Variants in TSHZ3 observed in about 807,000 individuals in gnomAD.
TSHZ3 encodes teashirt zinc finger homeobox 3.
A neutral mutation model predicts 64.5 loss-of-function variants in TSHZ3; 10 were observed. The ratio of observed to expected loss-of-function variants is 0.16; its 90% CI spans 0.10 to 0.26. TSHZ3 has a LOEUF of 0.26. Ranked by LOEUF, TSHZ3 falls within the 10% of genes least tolerant of loss-of-function variation. The pLI is 1.00. For synonymous variants in TSHZ3, 608 were observed against 593.1 expected (o/e 1.03, Z -0.36); for missense variants, 1,242 against 1,421.7 (o/e 0.87, Z 2.03).
intron 1 of TSHZ3, among the ~76,000 whole-genome samples, chr19:31,249,554 T>C (rs971647560): frequency 4.6e-5 from 7 of 152,174 alleles, no homozygotes; most frequent in African/African-American, 1.7e-4. Flanking sequence ...AAGCTTAATA[T>C]ATAAAAAATA....
At chr19:31,256,945 G>A (rs925437349) in intron 1 of TSHZ3, among the ~76,000 whole-genome samples, 1 of 152,188 alleles carries the variant, frequency 6.6e-6, no homozygotes, top group African/African-American at 2.4e-5. Context: ...GCCATGGTGG[G>A]TGTGCAGGAG....
chr19:31,265,273 T>C (rs1420582255), intron 1 of TSHZ3, among the ~76,000 whole-genome samples: 1 of 151,442 alleles, frequency 6.6e-6, no homozygotes, highest in African/African-American at 2.4e-5. Context: ...GGTCCATGCC[T>C]GTAATCCCAG....
rs1008071446 is a variant in TSHZ3, at chr19:31,277,136, G to A, written c.2657C>T (p.Thr886Met). Residue 886 changes from threonine (T) to methionine (M), a missense_variant, in exon 2 of 2, where the codon ACG (threonine) becomes ATG (methionine). This residue lies in a region of TSHZ3 where 550 missense variants were observed against 545.1 expected (regional missense o/e 1.01). Coordinates refer to ENST00000240587, the MANE Select transcript of TSHZ3 (RefSeq NM_020856.4). This position sits in a 1 kb window ranked among gnomAD's most constrained non-coding sequence, Gnocchi z 4.5. ...GCGGCCCTTCCTCTTCTGGGCGGGC[G>A]TCGACTCCTCAGCCTCCTCCAGAGT... ...GATLEEAEES[T>M]PAQKRKGRQS... 7.5e-6 allele frequency: 12 copies of A among 1,608,046 alleles called. No individual in the cohort carries two copies. In the East Asian group the frequency reaches 1.3e-4, roughly 18 times the overall value.
chr19:31,209,417 C>T (rs144067157), intron 4 of TSHZ3, among the ~76,000 whole-genome samples: 1 of 152,126 alleles, frequency 6.6e-6, no homozygotes, highest in Non-Finnish European at 1.5e-5. Flanking sequence ...GGATTCAGAT[C>T]ATCTGGGTTT....
At chr19:31,329,829 C>T (rs906327797) in intron 1 of TSHZ3, among the ~76,000 whole-genome samples, 7 of 152,216 alleles carry the variant, frequency 4.6e-5, no homozygotes, top group South Asian at 4.1e-4. Flanking sequence ...ATTACAAGGC[C>T]GCATAATTCT....
At chr19:31,250,924 T>C (rs1975831617) in intron 1 of TSHZ3, among the ~76,000 whole-genome samples, 1 of 152,030 alleles carries the variant, frequency 6.6e-6, no homozygotes, top group Admixed American at 6.5e-5. Flanking sequence ...ACCACCTAGA[T>C]GTACCTGTGG....
At chr19:31,324,114 T>C (rs1916863547) in intron 1 of TSHZ3, among the ~76,000 whole-genome samples, 1 of 152,138 alleles carries the variant, frequency 6.6e-6, no homozygotes. Flanking sequence ...AGCCAAGCCC[T>C]CAAGGCTGTG....
At chr19:31,213,485 T>G (rs929673122) in intron 4 of TSHZ3, among the ~76,000 whole-genome samples, 2 of 147,902 alleles carry the variant, frequency 1.4e-5, no homozygotes, top group African/African-American at 5.0e-5. Flanking sequence ...ACTATAATGG[T>G]GGATCCATGT....
chr19:31,295,154 C>A (rs562886749), intron 1 of TSHZ3, among the ~76,000 whole-genome samples: 1 of 152,130 alleles, frequency 6.6e-6, no homozygotes, highest in Non-Finnish European at 1.5e-5. Flanking sequence ...CTCACAAGGA[C>A]GATAAGACAG....
At chr19:31,214,941 C>T in intron 4 of TSHZ3, among the ~76,000 whole-genome samples, 1 of 148,752 alleles carries the variant, frequency 6.7e-6, no homozygotes, top group Non-Finnish European at 1.5e-5. Context: ...AAGAACCGAG[C>T]ATTCAACCCT....
At chr19:31,154,596 TC>T (rs1974280192) in intron 6 of TSHZ3, among the ~76,000 whole-genome samples, 4 of 152,174 alleles carry the variant, frequency 2.6e-5, no homozygotes, top group Admixed American at 2.6e-4. Flanking sequence ...AAGAAGACTC[TC>T]AGCAAAGCAA....
At chr19:31,223,262 G>A (rs147823653) in intron 4 of TSHZ3, among the ~76,000 whole-genome samples, 1 of 152,018 alleles carries the variant, frequency 6.6e-6, no homozygotes, top group Non-Finnish European at 1.5e-5. Flanking sequence ...AGTCTTTAAG[G>A]CTTATCTGAC....
intron 1 of TSHZ3, chr19:31,308,712 G>A: frequency 2.5e-6 from 1 of 398,722 alleles, no homozygotes; most frequent in Non-Finnish European, 4.4e-6. Flanking sequence ...GCTCTTGTCT[G>A]GAAAGAGAGA....
chr19:31,214,656 C>T (rs1312820556), intron 4 of TSHZ3, among the ~76,000 whole-genome samples: 1 of 152,146 alleles, frequency 6.6e-6, no homozygotes, highest in Non-Finnish European at 1.5e-5. Flanking sequence ...CGCCTGTAAT[C>T]CCAGCACTTT....
In TSHZ3 at chr19:31,160,050, G is replaced by A. The variant is rs116362596; in HGVS notation, n.810-3633C>T. Among the ~76,000 whole-genome samples the A allele has an allele frequency of 1.7e-4, 26 of 152,210 alleles. 1 individual carries two copies. The highest frequency in any genetic ancestry group is 1.7e-3 in the South Asian group (8 of 4,790). On this transcript the variant is annotated intron_variant and non_coding_transcript_variant, in intron 5 of 6. Coordinates refer to the TSHZ3 transcript ENST00000651361. The stretch of plus-strand genomic sequence containing the variant: ...CCCCTGGAGGAATAAATAATACTAC[G>A]ATAGCTCACATTTAGTGAGGGCTTA...
At chr19:31,289,088 CTT>C (rs1976516276) in intron 1 of TSHZ3, among the ~76,000 whole-genome samples, 1 of 152,222 alleles carries the variant, frequency 6.6e-6, no homozygotes, top group East Asian at 1.9e-4. Flanking sequence ...GCATAAAGGA[CTT>C]TTCTAAGTTA....
chr19:31,346,567 A>G (rs1222438090), intron 1 of TSHZ3, among the ~76,000 whole-genome samples: 3 of 152,186 alleles, frequency 2.0e-5, no homozygotes, highest in African/African-American at 7.2e-5. Context: ...AGGGGAAAAA[A>G]ATTCTCGAGT....
At chr19:31,292,778 TCATCCATCCAAAAACATATC>T (rs1976591926) in intron 1 of TSHZ3, among the ~76,000 whole-genome samples, 1 of 108,910 alleles carries the variant, frequency 9.2e-6, no homozygotes, top group African/African-American at 3.5e-5. Flanking sequence ...ACCCACCCAT[TCATCCATCCAAAAACATATC>T]CATCCATCCA....
intron 5 of TSHZ3, among the ~76,000 whole-genome samples, chr19:31,186,358 A>G (rs544936635): frequency 6.6e-6 from 1 of 152,132 alleles, no homozygotes; most frequent in Non-Finnish European, 1.5e-5. Context: ...GGGGGCGGTT[A>G]CCCTCATGCT....
Sources: gnomAD v4.1 joint callset for allele counts (sites outside exome capture counted in the v4.1 genomes callset) on GRCh38, gnomAD v4.1.1 for gene constraint, gnomAD v4.1.1 regional missense constraint, Gnocchi (gnomAD v3.1) non-coding constraint, MANE v1.5 for transcripts, NCBI Gene and HGNC (gene_info 2026-07-23, HGNC 2026-07-21) for gene names.